C3orf20: variants seen among roughly 807,000 people sequenced by gnomAD.
C3orf20 encodes the protein family with sequence similarity 149 member C, also known as uncharacterized protein C3orf20.
In C3orf20, 76 loss-of-function variants were observed where a neutral mutation model predicts 88.3. The ratio of observed to expected loss-of-function variants is 0.86; its 90% confidence interval spans 0.72 to 1.04. The LOEUF is 1.04. Among genes scored for constraint, C3orf20 ranks in the 50% least tolerant of loss-of-function variants. The pLI, the probability that C3orf20 is intolerant of heterozygous loss-of-function variation, is 0.00. For synonymous variants in C3orf20, 436 were observed against 437.4 expected (o/e 1.00, Z 0.04); for missense variants, 1,056 against 1,123.3 (o/e 0.94, Z 0.86).
At chr3:14,692,630 C>T (rs1386898283) in intron 5 of C3orf20, among the ~76,000 whole-genome samples, 2 of 151,938 alleles carry the variant, frequency 1.3e-5, no homozygotes, top group Admixed American at 1.3e-4. Flanking sequence ...CTTATATATT[C>T]TCGTCTGGTC....
At chr3:14,687,771 G>A (rs1314400385) in intron 4 of C3orf20, among the ~76,000 whole-genome samples, 1 of 152,214 alleles carries the variant, frequency 6.6e-6, no homozygotes, top group Non-Finnish European at 1.5e-5. Context: ...TCAGGATGAG[G>A]GAGGCACAGT....
chr3:14,728,177 C>G (rs1171449799), intron 11 of C3orf20, among the ~76,000 whole-genome samples: 1 of 152,206 alleles, frequency 6.6e-6, no homozygotes, highest in Non-Finnish European at 1.5e-5. Context: ...CTGAATGGAA[C>G]AGGCCCTAGG....
intron 5 of C3orf20, among the ~76,000 whole-genome samples, chr3:14,693,064 G>C (rs1179499751): frequency 1.3e-5 from 2 of 152,034 alleles, no homozygotes; most frequent in Non-Finnish European, 2.9e-5. Context: ...GCTCTGTATT[G>C]TGTTTCACTG....
chr3:14,699,894 A>G (rs2033175951), intron 5 of C3orf20, among the ~76,000 whole-genome samples: 1 of 150,558 alleles, frequency 6.6e-6, no homozygotes, highest in African/African-American at 2.5e-5. Flanking sequence ...CAGAGCCCAC[A>G]GTGGACAGGC....
rs953910024 is a variant in C3orf20, at chr3:14,691,708, C to G, written c.745+1592C>G. On this transcript the variant is annotated intron_variant, in intron 5 of 16. Transcript: ENST00000253697. ...TGATACAGGCACACAATAATCACAT[C>G]AAGCTAAATGGGGTGTCCATCACCT... Among the ~76,000 whole-genome samples, 38 of 152,164 alleles carry G rather than the reference C, an allele frequency of 2.5e-4. 1 individual carries two copies. The highest frequency in any genetic ancestry group is 2.2e-3 in the Admixed American group (33 of 15,278).
At position 14,704,315 on chromosome 3, in the gene C3orf20, A is replaced by G. The variant is rs1181035521; in HGVS notation, c.879-22A>G. The G allele has an allele frequency of 3.7e-6, 6 of 1,612,808 alleles. No homozygotes were observed. In the African/African-American group the frequency reaches 8.0e-5, roughly 22 times the overall value. ...CTTGAGAACCAAAAGGCTAGACAAT[A>G]TATTGCTCTCCTTCTCTGCAGAGAA... On this transcript the variant is annotated intron_variant, in intron 6 of 16. Coordinates refer to ENST00000253697, the MANE Select transcript of C3orf20 (RefSeq NM_032137.5).
At chr3:14,765,481 C>T (rs2035677513) in intron 15 of C3orf20, 1 of 152,192 alleles carries the variant, frequency 6.6e-6, no homozygotes, top group Non-Finnish European at 1.5e-5. Context: ...TTTTCTATGT[C>T]CTCCGTTTAC....
chr3:14,741,231 T>C (rs140932400), intron 12 of C3orf20, among the ~76,000 whole-genome samples: 3,125 of 152,248 alleles, frequency 0.021, 41 homozygotes, highest in Middle Eastern at 0.037. Context: ...CAGATAGATA[T>C]AGCTCTTCGG....
At chr3:14,722,373 G>A in intron 10 of C3orf20, 1 of 428,854 alleles carries the variant, frequency 2.3e-6, no homozygotes, top group Admixed American at 2.4e-5. Context: ...CATTGACTAG[G>A]CTTGAGGCTC....
At chr3:14,726,467 A>G (rs2034348896) in intron 10 of C3orf20, among the ~76,000 whole-genome samples, 2 of 152,188 alleles carry the variant, frequency 1.3e-5, no homozygotes, top group African/African-American at 2.4e-5. Context: ...TTTATCGTCC[A>G]CTTACTCACG....
intron 12 of C3orf20, among the ~76,000 whole-genome samples, chr3:14,734,904 T>C (rs1041600635): frequency 6.6e-6 from 1 of 152,052 alleles, no homozygotes; most frequent in Non-Finnish European, 1.5e-5. Context: ...CTTAAAATTG[T>C]AAACATTGTG....
rs775601385 is a variant in C3orf20 at position 14,682,711 on chromosome 3, C to G, written c.-3C>G. 3.7e-6 allele frequency: 6 copies of G among 1,602,088 alleles called. No homozygotes were observed. Among genetic ancestry groups the G allele is most frequent in the Non-Finnish European group, 5.1e-6 (6 of 1,173,884 alleles). On this transcript the variant is annotated 5_prime_UTR_variant, in exon 3 of 17. Transcript: ENST00000253697. ...GCTCTCTTTATAGCTGAAGGTCCCT[C>G]TCATGAGTTACATCAAGAGTAACCT...
intron 12 of C3orf20, among the ~76,000 whole-genome samples, chr3:14,739,038 G>T (rs1445522651): frequency 2.7e-5 from 4 of 149,774 alleles, no homozygotes; most frequent in African/African-American, 4.9e-5. Context: ...TGATCCACCT[G>T]CCTCGGCCTC....
At chr3:14,735,555 C>CTA (rs1559430077) in intron 12 of C3orf20, among the ~76,000 whole-genome samples, 2 of 151,586 alleles carry the variant, frequency 1.3e-5, no homozygotes, top group East Asian at 1.9e-4. Context: ...TGTTTTAATT[C>CTA]TATATATATG....
At chr3:14,721,571 T>C in intron 9 of C3orf20, 82 bp from the exon 10 acceptor site, 3 of 1,559,878 alleles carry the variant, frequency 1.9e-6, no homozygotes, top group Non-Finnish European at 2.6e-6. Flanking sequence ...CAACAGGGGC[T>C]TTGTGCTTCG....
intron 14 of C3orf20, among the ~76,000 whole-genome samples, chr3:14,760,771 G>A (rs966586051): frequency 1.2e-4 from 18 of 151,628 alleles, no homozygotes; most frequent in African/African-American, 4.1e-4. Context: ...CATCATGCCC[G>A]GCTAATTTTT....
intron 12 of C3orf20, among the ~76,000 whole-genome samples, chr3:14,739,458 G>T (rs1377717641): frequency 1.3e-5 from 2 of 152,198 alleles, no homozygotes; most frequent in Non-Finnish European, 2.9e-5. Flanking sequence ...AAGCTTCATT[G>T]TTCCATTTAT....
At chr3:14,684,565 T>C (rs149742024) in intron 4 of C3orf20, among the ~76,000 whole-genome samples, 183 bp downstream of exon 4, 159 of 151,758 alleles carry the variant, frequency 1.0e-3, no homozygotes, top group African/African-American at 3.6e-3. Flanking sequence ...CTGTGGAGAG[T>C]GGTTTGGCGG....
chr3:14,679,158 C>CTTTTTG (rs374242501), intron 1 of C3orf20, among the ~76,000 whole-genome samples: 11 of 152,124 alleles, frequency 7.2e-5, no homozygotes, highest in Non-Finnish European at 1.3e-4. Flanking sequence ...CAGTTCTTTC[C>CTTTTTG]TTTTTGTTTT....
Sources: allele counts gnomAD v4.1 joint callset (sites outside exome capture counted in the v4.1 genomes callset), GRCh38; gene constraint gnomAD v4.1.1; transcripts MANE v1.5; gene names NCBI Gene and HGNC (gene_info 2026-07-23, HGNC 2026-07-21).